ZFPM2: variants seen among roughly 807,000 people sequenced by gnomAD.
The protein encoded by ZFPM2 is zinc finger protein ZFPM2.
In ZFPM2, 20 loss-of-function variants were observed where a neutral mutation model predicts 98.6. The observed-to-expected ratio is 0.20, with a 90% CI of 0.14 to 0.29. The LOEUF (loss-of-function observed/expected upper bound fraction) is 0.29. Ranked by LOEUF, ZFPM2 falls within the 10% of genes least tolerant of loss-of-function variation. The pLI is 1.00. For synonymous variants in ZFPM2, 518 were observed against 502.7 expected (o/e 1.03, Z -0.41); for missense variants, 1,310 against 1,388.6 (o/e 0.94, Z 0.90).
chr8:105,411,082 A>AT (rs996323429), intron 1 of ZFPM2, among the ~76,000 whole-genome samples: 2 of 151,882 alleles, frequency 1.3e-5, no homozygotes, highest in African/African-American at 4.8e-5. Context: ...CTGTGTCTAG[A>AT]TTTTTTTAAA....
intron 4 of ZFPM2, among the ~76,000 whole-genome samples, chr8:105,582,447 G>T (rs1815621828): frequency 6.6e-6 from 1 of 152,196 alleles, no homozygotes; most frequent in Non-Finnish European, 1.5e-5. Context: ...AGAGGCCAGA[G>T]TGGTTACTAA....
At chr8:105,374,789 G>T (rs933063414) in intron 1 of ZFPM2, among the ~76,000 whole-genome samples, 1 of 152,194 alleles carries the variant, frequency 6.6e-6, no homozygotes, top group Non-Finnish European at 1.5e-5. Context: ...AAACCACTCA[G>T]AGTGGTAACA....
At chr8:105,435,382 A>T (rs2130164365) in intron 2 of ZFPM2, among the ~76,000 whole-genome samples, 1 of 152,304 alleles carries the variant, frequency 6.6e-6, no homozygotes, top group South Asian at 2.1e-4. Flanking sequence ...CCCATTAAAT[A>T]TGTTTGTGCT....
At chr8:105,517,215 G>T (rs1813943035) in intron 3 of ZFPM2, among the ~76,000 whole-genome samples, 2 of 152,112 alleles carry the variant, frequency 1.3e-5, no homozygotes, top group Non-Finnish European at 2.9e-5. Context: ...GATAACAGTG[G>T]TCGAATCTTA....
In ZFPM2 at chr8:105,561,549, A is replaced by G. The variant is rs545916391; in HGVS notation, c.420+68A>G. 33 of 1,224,734 alleles carry G rather than the reference A, an allele frequency of 2.7e-5. No homozygotes were observed. In the South Asian group the frequency reaches 5.2e-4, roughly 19 times the overall value. The allele number at this position is 1,224,734 out of a possible 1,614,324, so 75.9% of individuals were successfully genotyped here. A position where few individuals can be genotyped will look rare whatever the true frequency, so the allele number is the denominator to read the frequency against. On this transcript the variant is annotated intron_variant, in intron 4 of 7. Coordinates refer to ENST00000407775, the MANE Select transcript of ZFPM2 (RefSeq NM_012082.4). ...GTTAGTATTTTGCCATAGCTCAGAA[A>G]TTCTCTCTGCTTGCTTTCCAATGAA... is the stretch of plus-strand genomic sequence containing the variant.
chr8:105,389,764 A>G (rs547808955), intron 1 of ZFPM2, among the ~76,000 whole-genome samples: 2 of 152,334 alleles, frequency 1.3e-5, no homozygotes, highest in Admixed American at 6.5e-5. Context: ...GAGACAAGGT[A>G]AGACGTGATC....
chr8:105,616,298 A>C (rs565367825), intron 4 of ZFPM2, among the ~76,000 whole-genome samples: 24 of 152,158 alleles, frequency 1.6e-4, no homozygotes, highest in Non-Finnish European at 2.5e-4. Flanking sequence ...ACAGCTTTTC[A>C]TCATGTAAGG....
At chr8:105,612,571 G>C (rs1420581028) in intron 4 of ZFPM2, among the ~76,000 whole-genome samples, 1 of 152,126 alleles carries the variant, frequency 6.6e-6, no homozygotes, top group Admixed American at 6.6e-5. Flanking sequence ...TTTGGTTAAA[G>C]AATGTCTTTA....
At chr8:105,564,199 CAG>C (rs1157734595) in intron 4 of ZFPM2, among the ~76,000 whole-genome samples, 1 of 151,770 alleles carries the variant, frequency 6.6e-6, no homozygotes, top group African/African-American at 2.4e-5. Context: ...ATGAAATTTT[CAG>C]AATTTTTGAT....
intron 3 of ZFPM2, among the ~76,000 whole-genome samples, chr8:105,534,867 G>A (rs1042136444): frequency 1.3e-5 from 2 of 152,118 alleles, no homozygotes; most frequent in African/African-American, 4.8e-5. Context: ...TTTGGCTGTG[G>A]TGCGGAGAAC....
At chr8:105,501,510 C>A (rs372547398) in intron 3 of ZFPM2, among the ~76,000 whole-genome samples, 34 of 130,508 alleles carry the variant, frequency 2.6e-4, no homozygotes, top group African/African-American at 9.8e-4. Flanking sequence ...TTTTTTTTTT[C>A]TTTTCTTTTT....
intron 3 of ZFPM2, among the ~76,000 whole-genome samples, chr8:105,460,763 CA>C (rs1282117808): frequency 6.9e-6 from 1 of 145,468 alleles, no homozygotes; most frequent in Non-Finnish European, 1.5e-5. Flanking sequence ...GTTATACATA[CA>C]AAATGAACCA....
chr8:105,549,862 C>T (rs2130656943), intron 3 of ZFPM2, among the ~76,000 whole-genome samples: 1 of 151,974 alleles, frequency 6.6e-6, no homozygotes, highest in East Asian at 1.9e-4. Context: ...AATTCTCCTG[C>T]CTTGGCCTCC....
At position 105,800,020 on chromosome 8, in the gene ZFPM2, A is replaced by T. The variant is rs113426333; in HGVS notation, c.965-1027A>T. On this transcript the variant is annotated intron_variant, in intron 7 of 7. Transcript: ENST00000407775. The stretch of plus-strand genomic sequence containing the variant: ...ATAATAAAGCAGGGGAAGCAGAAAC[A>T]TATTGGTTGTCTCAGATGGTGAGTA... Among the ~76,000 whole-genome samples, 255 of 152,270 alleles carry T rather than the reference A, an allele frequency of 1.7e-3. 1 individual carries two copies. Among genetic ancestry groups the T allele is most frequent in the African/African-American group, 5.8e-3 (239 of 41,548 alleles).
intron 3 of ZFPM2, among the ~76,000 whole-genome samples, chr8:105,468,097 T>C (rs76292886): frequency 0.027 from 4,172 of 152,100 alleles, 176 homozygotes; most frequent in African/African-American, 0.095. Context: ...TTTTATCATC[T>C]TTGTTAAACA....
At chr8:105,595,372 A>G (rs766173446) in intron 4 of ZFPM2, among the ~76,000 whole-genome samples, 26 of 152,084 alleles carry the variant, frequency 1.7e-4, no homozygotes, top group East Asian at 1.9e-4. Flanking sequence ...AGAAAGAGCT[A>G]TTATCCAAAA....
At chr8:105,470,559 T>A (rs1400509595) in intron 3 of ZFPM2, among the ~76,000 whole-genome samples, 2 of 152,164 alleles carry the variant, frequency 1.3e-5, no homozygotes, top group African/African-American at 4.8e-5. Context: ...GCAGATCACC[T>A]GAGAGGTCAG....
chr8:105,740,359 T>C (rs185052906), intron 5 of ZFPM2, among the ~76,000 whole-genome samples: 225 of 151,858 alleles, frequency 1.5e-3, no homozygotes, highest in African/African-American at 5.2e-3. Context: ...TACTGCAATG[T>C]GAAGAATGAA....
chr8:105,696,589 T>C (rs1185588643), intron 5 of ZFPM2, among the ~76,000 whole-genome samples: 5 of 152,176 alleles, frequency 3.3e-5, no homozygotes, highest in African/African-American at 1.2e-4. Flanking sequence ...ACCGAGGATA[T>C]GCGTAAAGAA....
Sources: gnomAD v4.1 joint callset for allele counts (sites outside exome capture counted in the v4.1 genomes callset) on GRCh38, gnomAD v4.1.1 for gene constraint, MANE v1.5 for transcripts, NCBI Gene and HGNC (gene_info 2026-07-23, HGNC 2026-07-21) for gene names.